CCDC122: variants seen among roughly 807,000 people sequenced by gnomAD.
CCDC122 encodes coiled-coil domain-containing protein 122.
Under a neutral mutation model 37.0 loss-of-function variants are expected in CCDC122, and 38 were observed. The ratio of observed to expected loss-of-function variants is 1.03; its 90% CI spans 0.79 to 1.35. CCDC122 has a LOEUF of 1.35. Ranked by LOEUF, CCDC122 falls within the 40% of genes most tolerant of loss-of-function variation. The pLI, the probability that CCDC122 is intolerant of heterozygous loss-of-function variation, is 0.00. For synonymous variants in CCDC122, 83 were observed against 95.6 expected (o/e 0.87, Z 0.77); for missense variants, 305 against 310.0 (o/e 0.98, Z 0.12).
rs375857751 is a variant in CCDC122 at position 43,849,948 on chromosome 13, G to A, written c.672+8833C>T. ...CCATTTGAGGATCCTGGACTTCTCC[G>A]CCCATCAAGGTGTAATATTCCTCTC... On this transcript the variant is annotated intron_variant, in intron 6 of 6. Transcript: ENST00000444614. Among the ~76,000 whole-genome samples, 12 of 152,210 alleles carry A rather than the reference G, an allele frequency of 7.9e-5. No individual in the cohort carries two copies. The East Asian group carries it at 1.9e-3, about 24-fold the overall frequency.
At chr13:43,869,020 C>T (rs900668935) in intron 3 of CCDC122, among the ~76,000 whole-genome samples, 2 of 151,960 alleles carry the variant, frequency 1.3e-5, no homozygotes, top group South Asian at 4.1e-4. Context: ...ATGTCATACC[C>T]GTTCCTCTAC....
intron 4 of CCDC122, among the ~76,000 whole-genome samples, chr13:43,864,177 T>C (rs944137843): frequency 6.6e-6 from 1 of 152,166 alleles, no homozygotes; most frequent in African/African-American, 2.4e-5. Context: ...CTGGGCACTT[T>C]AGTTTGTTCC....
rs1953186659 is a variant in CCDC122 at position 43,837,025 on chromosome 13, A to C, written c.*255T>G. ...AGTATAATACATTTTACACACTCCA[A>C]ATAGTCACAGAGACTCTTGCATTAT... On this transcript the variant is annotated 3_prime_UTR_variant, in exon 7 of 7. Transcript: ENST00000444614. 1 of 396,548 alleles carries C rather than the reference A, an allele frequency of 2.5e-6. No homozygotes were observed. Among genetic ancestry groups the C allele is most frequent in the South Asian group, 4.8e-5 (1 of 20,902 alleles). The allele number at this position is 396,548 out of a possible 1,614,324, so 24.6% of individuals were successfully genotyped here.
intron 6 of CCDC122, among the ~76,000 whole-genome samples, chr13:43,844,423 G>A (rs1021441017): frequency 6.6e-6 from 1 of 151,868 alleles, no homozygotes; most frequent in Non-Finnish European, 1.5e-5. Flanking sequence ...CTAGTATATG[G>A]TGTGTCTTGG....
At chr13:43,834,999 A>G (rs1420118257), downstream of CCDC122, among the ~76,000 whole-genome samples, 1 of 152,154 alleles carries the variant, frequency 6.6e-6, no homozygotes, top group Non-Finnish European at 1.5e-5. Flanking sequence ...TGCTATAAAG[A>G]CACATGCACA....
chr13:43,871,707 G>C (rs1263394814), intron 2 of CCDC122, among the ~76,000 whole-genome samples: 1 of 151,910 alleles, frequency 6.6e-6, no homozygotes, highest in African/African-American at 2.4e-5. Context: ...TTACCTTTTG[G>C]CTTTAACTGA....
At chr13:43,819,258 ACACC>A (rs1419161499), downstream of CCDC122, among the ~76,000 whole-genome samples, 1 of 152,142 alleles carries the variant, frequency 6.6e-6, no homozygotes, top group Non-Finnish European at 1.5e-5. Flanking sequence ...GGTAGGTAAA[ACACC>A]AGGGGACAGA....
intron 2 of CCDC122, among the ~76,000 whole-genome samples, chr13:43,873,933 G>A (rs1221899968): frequency 6.6e-6 from 1 of 152,068 alleles, no homozygotes; most frequent in Non-Finnish European, 1.5e-5. Flanking sequence ...TCTAATTATA[G>A]TCTATCTCCA....
intron 5 of CCDC122, 106 bp from the exon 6 acceptor site, chr13:43,859,003 T>C: frequency 2.2e-6 from 2 of 913,696 alleles, no homozygotes; most frequent in Non-Finnish European, 1.5e-6. Context: ...AAATCAAAAT[T>C]TAGTTTTGAT....
At chr13:43,843,321 T>A (rs552363392) in intron 6 of CCDC122, among the ~76,000 whole-genome samples, 200 of 152,174 alleles carry the variant, frequency 1.3e-3, no homozygotes, top group Non-Finnish European at 2.4e-3. Flanking sequence ...GGTTATATCT[T>A]TTTTACTTCT....
intron 6 of CCDC122, among the ~76,000 whole-genome samples, chr13:43,841,791 G>T (rs1412219217): frequency 6.6e-6 from 1 of 152,132 alleles, no homozygotes; most frequent in East Asian, 1.9e-4. Context: ...GATCACTACA[G>T]CCTCGACCTC....
At position 43,858,766 on chromosome 13, in the gene CCDC122, A is replaced by ATAATTAAGACTTACCTCTATTTCTTT. The variant is rs775432374; in HGVS notation, c.661_672+14dup. 3.4e-5 allele frequency: 46 copies of ATAATTAAGACTTACCTCTATTTCTTT among 1,370,460 alleles called. No individual in the cohort carries two copies. Among genetic ancestry groups the ATAATTAAGACTTACCTCTATTTCTTT allele is most frequent in the Non-Finnish European group, 4.3e-5 (44 of 1,025,150 alleles). 84.9% of individuals were successfully genotyped at this position (1,370,460 alleles called of 1,614,324 possible). ...GGTCCCATAAAACATTGAAATCTAG[A>ATAATTAAGACTTACCTCTATTTCTTT]TAATTAAGACTTACCTCTATTTCTT... On this transcript the variant is annotated intron_variant, in intron 6 of 6. Coordinates refer to ENST00000444614, the MANE Select transcript of CCDC122 (RefSeq NM_144974.5).
chr13:43,838,993 C>T (rs892865908), intron 6 of CCDC122, among the ~76,000 whole-genome samples: 21 of 152,160 alleles, frequency 1.4e-4, no homozygotes, highest in Non-Finnish European at 1.9e-4. Flanking sequence ...GGTTAACTCC[C>T]TTGAGTAAGA....
At chr13:43,857,694 G>C (rs899506786) in intron 6 of CCDC122, among the ~76,000 whole-genome samples, 2 of 152,012 alleles carry the variant, frequency 1.3e-5, no homozygotes, top group Non-Finnish European at 2.9e-5. Context: ...CCTGAGGTCA[G>C]GAGTTTGAGA....
chr13:43,856,557 G>A lies in CCDC122; in HGVS notation c.672+2224C>T, dbSNP rs182616776. 9.8e-3 allele frequency: 1,648 copies of A among 168,128 alleles called. 8 individuals are homozygous for A. The highest frequency in any genetic ancestry group is 0.019 in the Middle Eastern group (7 of 376). 10.4% of individuals were successfully genotyped at this position (168,128 alleles called of 1,614,324 possible). A position where few individuals can be genotyped will look rare whatever the true frequency, so the allele number is the denominator to read the frequency against. ...AGGCAGGAGAATGGCGTGAACCTGG[G>A]AGGCAGAGCTTGCAGTGAGCCGAGA... On this transcript the variant is annotated intron_variant, in intron 6 of 6. Coordinates refer to ENST00000444614, the MANE Select transcript of CCDC122 (RefSeq NM_144974.5).
chr13:43,851,633 C>T (rs1175687721), intron 6 of CCDC122, among the ~76,000 whole-genome samples: 1 of 152,222 alleles, frequency 6.6e-6, no homozygotes, highest in Non-Finnish European at 1.5e-5. Flanking sequence ...TGCACTGCCA[C>T]TACTGCTGCT....
intron 6 of CCDC122, among the ~76,000 whole-genome samples, chr13:43,839,360 A>T (rs7339417): frequency 0.38 from 57,103 of 152,014 alleles, 10,993 homozygotes; most frequent in East Asian, 0.53. Context: ...GTCTTTTGTG[A>T]CTGGCTTCTT....
intron 6 of CCDC122, among the ~76,000 whole-genome samples, chr13:43,841,223 TA>T (rs777057385): frequency 1.1e-4 from 17 of 152,362 alleles, no homozygotes; most frequent in Non-Finnish European, 2.1e-4. Context: ...TTTTAAGGCA[TA>T]TTTTTTTCAT....
downstream of CCDC122, among the ~76,000 whole-genome samples, chr13:43,832,651 A>G (rs1240275108): frequency 2.0e-5 from 3 of 152,290 alleles, no homozygotes; most frequent in Non-Finnish European, 1.5e-5. Flanking sequence ...ATGCCTTGCA[A>G]TATATCAAAA....
Sources: allele counts gnomAD v4.1 joint callset (sites outside exome capture counted in the v4.1 genomes callset), GRCh38; gene constraint gnomAD v4.1.1; transcripts MANE v1.5; gene names NCBI Gene and HGNC (gene_info 2026-07-23, HGNC 2026-07-21).